DENND2B: variants seen among roughly 807,000 people sequenced by gnomAD.
The protein encoded by DENND2B is DENN domain containing 2B, also known as DENN domain-containing protein 2B.
Under a neutral mutation model 116.0 loss-of-function variants are expected in DENND2B, and 32 were observed. The ratio of observed to expected loss-of-function variants is 0.28; its 90% CI spans 0.21 to 0.37. The LOEUF (loss-of-function observed/expected upper bound fraction) is 0.37, where lower values mean the gene tolerates loss of function less well. Among genes scored for constraint, DENND2B ranks in the 10% least tolerant of loss-of-function variants. The pLI is 1.00. For missense variants in DENND2B, 1,276 were observed against 1,477.7 expected, an observed-to-expected ratio of 0.86 and a Z score of 2.24; for synonymous variants, 588 against 583.9, an observed-to-expected ratio of 1.01 and a Z score of -0.10.
chr11:8,779,308 G>A (rs544278222), intron 1 of DENND2B, among the ~76,000 whole-genome samples: 28 of 152,286 alleles, frequency 1.8e-4, no homozygotes, highest in Admixed American at 2.6e-4. Context: ...AAGGCAGAGA[G>A]AGTGGCAAAT....
At chr11:8,848,806 G>A in intron 3 of DENND2B, among the ~76,000 whole-genome samples, 1 of 151,892 alleles carries the variant, frequency 6.6e-6, no homozygotes, top group East Asian at 1.9e-4. Flanking sequence ...TTTGAAATAA[G>A]AAGTTTTTTA....
intron 4 of DENND2B, 161 bp from the exon 5 acceptor site, chr11:8,718,053 G>A: frequency 1.5e-6 from 1 of 686,818 alleles, no homozygotes; most frequent in Non-Finnish European, 2.4e-6. Context: ...CTGCAGTGGG[G>A]AGGCTACAAA....
chr11:8,737,706 CCCT>C (rs772753620), intron 2 of DENND2B, among the ~76,000 whole-genome samples: 3 of 151,588 alleles, frequency 2.0e-5, no homozygotes, highest in Admixed American at 6.6e-5. Flanking sequence ...CTTCCTCCCT[CCCT>C]CCTTTCTTTT....
intron 1 of DENND2B, among the ~76,000 whole-genome samples, chr11:8,908,999 T>A (rs2064274485): frequency 6.6e-6 from 1 of 152,162 alleles, no homozygotes; most frequent in South Asian, 2.1e-4. Context: ...GGGCTATTTT[T>A]AGTCCTTACT....
At chr11:8,826,252 C>G (rs568225073) in intron 4 of DENND2B, among the ~76,000 whole-genome samples, 1 of 152,230 alleles carries the variant, frequency 6.6e-6, no homozygotes, top group South Asian at 2.1e-4. Context: ...TCTGACCATC[C>G]GAGCTTTATC....
At chr11:8,739,933 T>G (rs1231897629) in intron 2 of DENND2B, among the ~76,000 whole-genome samples, 1 of 152,026 alleles carries the variant, frequency 6.6e-6, no homozygotes, top group Non-Finnish European at 1.5e-5. Context: ...TGCCTCTAAT[T>G]CCAACAATTT....
At chr11:8,906,120 T>C (rs1189034453) in intron 1 of DENND2B, among the ~76,000 whole-genome samples, 1 of 151,876 alleles carries the variant, frequency 6.6e-6, no homozygotes, top group African/African-American at 2.4e-5. Flanking sequence ...ACTCTGTAAA[T>C]TTACAAAAAA....
At chr11:8,713,834 T>A (rs373118146) in intron 8 of DENND2B, among the ~76,000 whole-genome samples, 164 bp downstream of exon 8, 1 of 152,208 alleles carries the variant, frequency 6.6e-6, no homozygotes, top group South Asian at 2.1e-4. Context: ...AAGGACAGAC[T>A]TCCCTGTGGC....
At chr11:8,759,618 T>G (rs2054230537) in intron 1 of DENND2B, among the ~76,000 whole-genome samples, 1 of 152,206 alleles carries the variant, frequency 6.6e-6, no homozygotes, top group Non-Finnish European at 1.5e-5. Flanking sequence ...AGCTCTTGTG[T>G]GTGTTCTGAG....
intron 4 of DENND2B, among the ~76,000 whole-genome samples, chr11:8,823,786 G>A (rs960577742): frequency 6.6e-6 from 1 of 152,152 alleles, no homozygotes; most frequent in African/African-American, 2.4e-5. Context: ...AGCAGCATGA[G>A]AATGGACTAA....
At chr11:8,855,437 G>A (rs914090054) in intron 3 of DENND2B, among the ~76,000 whole-genome samples, 4 of 150,908 alleles carry the variant, frequency 2.7e-5, no homozygotes, top group African/African-American at 9.7e-5. Flanking sequence ...GATGGATCAT[G>A]CTAAATTTTC....
chr11:8,838,309 G>A (rs1013362909), intron 4 of DENND2B, among the ~76,000 whole-genome samples: 3 of 151,962 alleles, frequency 2.0e-5, no homozygotes, highest in African/African-American at 7.3e-5. Context: ...CTAACAAAAG[G>A]AAATTCAGAC....
rs779197778 is a variant in DENND2B, at chr11:8,717,789, G to A, written c.1581C>T (p.His527=). ...TCCTGTCCTGAGGACTCCACATCCT[G>A]TGCAAAGAGTCCAAGGAGTTCTCAG... ...QLSENSLDSL[H]RMWSPQDRKY... Residue 527 remains histidine, a synonymous_variant, in exon 5 of 20, where the codon CAC becomes CAT. Transcript: ENST00000313726. 6 of 1,610,302 alleles carry A rather than the reference G, an allele frequency of 3.7e-6. No individual in the cohort carries two copies. In the South Asian group the frequency reaches 6.6e-5, roughly 18 times the overall value.
At chr11:8,901,700 T>C (rs2064173537) in intron 1 of DENND2B, among the ~76,000 whole-genome samples, 1 of 152,206 alleles carries the variant, frequency 6.6e-6, no homozygotes, top group Non-Finnish European at 1.5e-5. Context: ...CTAGTTTCCC[T>C]TGTGATTTAG....
chr11:8,883,284 C>T (rs1168096762), intron 1 of DENND2B, among the ~76,000 whole-genome samples: 2 of 152,132 alleles, frequency 1.3e-5, no homozygotes, highest in African/African-American at 4.8e-5. Flanking sequence ...AGCCAACAAG[C>T]ATTCTGATAA....
rs557775809 is a variant in DENND2B at position 8,906,519 on chromosome 11, A to AAAC, written c.-256+4301_-256+4302insGTT. Among the ~76,000 whole-genome samples, 5 of 151,892 alleles carry AAAC rather than the reference A, an allele frequency of 3.3e-5. No homozygotes were observed. The South Asian group carries it at 1.0e-3, about 32-fold the overall frequency. ...CAGCCAAGAAGTCTTCAAAAAAAAA[A>AAAC]AAAAAAAAACTCTACATAAATTTCA... On this transcript the variant is annotated intron_variant, in intron 1 of 22. Transcript: ENST00000534127.
intron 1 of DENND2B, among the ~76,000 whole-genome samples, chr11:8,789,207 A>G (rs564274278): frequency 6.6e-6 from 1 of 152,370 alleles, no homozygotes; most frequent in East Asian, 1.9e-4. Flanking sequence ...AATAGAAATA[A>G]AACAAGCTAG....
At position 8,699,423 on chromosome 11, in the gene DENND2B, G is replaced by C. The variant is rs561761835; in HGVS notation, c.2721-33C>G. ...GCAGACAGAGAGACAGAGTACCTGA[G>C]CCCAGGCCCAGGAACTTAGAGCTCG... is the stretch of plus-strand genomic sequence containing the variant. On this transcript the variant is annotated intron_variant, in intron 14 of 19. Transcript: ENST00000313726. 18 of 1,556,826 alleles carry C rather than the reference G, an allele frequency of 1.2e-5. No individual in the cohort carries two copies. In the South Asian group the frequency reaches 2.2e-4, roughly 19 times the overall value.
At chr11:8,786,453 C>G (rs2058908448) in intron 1 of DENND2B, among the ~76,000 whole-genome samples, 2 of 152,110 alleles carry the variant, frequency 1.3e-5, no homozygotes, top group South Asian at 4.1e-4. Context: ...ATAACTTTGT[C>G]CTTTGAGAAA....
Sources: allele counts gnomAD v4.1 joint callset (sites outside exome capture counted in the v4.1 genomes callset), GRCh38; gene constraint gnomAD v4.1.1; transcripts MANE v1.5; gene names NCBI Gene and HGNC (gene_info 2026-07-23, HGNC 2026-07-21).